The following DCAF8L2 variants were observed in gnomAD, a reference collection of about 807,000 sequenced individuals.
DCAF8L2 encodes DDB1 and CUL4 associated factor 8 like 2, also known as DDB1- and CUL4-associated factor 8-like protein 2.
For missense variants in DCAF8L2, 430 were observed against 490.7 expected, an observed-to-expected ratio of 0.88 and a Z score of 1.17; for synonymous variants, 200 against 190.9, an observed-to-expected ratio of 1.05 and a Z score of -0.39.
chrX:27,651,359 T>C (rs1379498010), intron 2 of DCAF8L2, among the ~76,000 whole-genome samples: 2 of 110,974 alleles, frequency 1.8e-5, no homozygotes, highest in East Asian at 5.7e-4. Context: ...TCTAAGAATT[T>C]GTGATTTTTC....
Position 27,746,842 on chromosome X carries a change from T to G in DCAF8L2, c.-54T>G. ...GCAGGCCAACTTTCTTCCCAGAGCT[T>G]TTAGGGGCCTGGCCTTTGCAGTTCC... On this transcript the variant is annotated 5_prime_UTR_variant, in exon 5 of 5. Transcript: ENST00000451261. The G allele has an allele frequency of 9.0e-7, 1 of 1,114,532 alleles. No homozygotes were observed. Among genetic ancestry groups the G allele is most frequent in the South Asian group, 2.2e-5 (1 of 45,285 alleles). The allele number at this position is 1,114,532 out of a possible 1,213,427, so 91.8% of individuals were successfully genotyped here.
At chrX:27,661,907 T>TA (rs1199447792) in intron 2 of DCAF8L2, among the ~76,000 whole-genome samples, 1 of 111,848 alleles carries the variant, frequency 8.9e-6, no homozygotes, top group Non-Finnish European at 1.9e-5. Flanking sequence ...TCTGGAAACT[T>TA]ATATGAGACT....
chrX:27,559,903 C>G, the DCAF8L2 span, among the ~76,000 whole-genome samples: 1 of 111,455 alleles, frequency 9.0e-6, no homozygotes, highest in South Asian at 3.7e-4. Context: ...GACCATCAGC[C>G]AGACTATTTG....
At chrX:27,600,565 A>C (rs1447249766) in intron 1 of DCAF8L2, among the ~76,000 whole-genome samples, 1 of 112,147 alleles carries the variant, frequency 8.9e-6, no homozygotes, top group Non-Finnish European at 1.9e-5. Context: ...ATGTTCCGAA[A>C]ATTTTATCTT....
chrX:27,533,140 A>AGAGAGAGAGAGAGAGAG, the DCAF8L2 span, among the ~76,000 whole-genome samples: 11 of 26,863 alleles, frequency 4.1e-4, no homozygotes, highest in Admixed American at 1.8e-3. Flanking sequence ...GGAAGGAAGG[A>AGAGAGAGAGAGAGAGAG]AGAAAGAGAG....
At chrX:27,610,946 C>CGA (rs1569159251) in intron 1 of DCAF8L2, among the ~76,000 whole-genome samples, 1 of 112,299 alleles carries the variant, frequency 8.9e-6, no homozygotes, top group Non-Finnish European at 1.9e-5. Context: ...AAAAGGTGTT[C>CGA]TTTCTTTTTT....
chrX:27,645,624 A>G (rs1180390518), intron 2 of DCAF8L2, among the ~76,000 whole-genome samples: 2 of 111,966 alleles, frequency 1.8e-5, no homozygotes, highest in Non-Finnish European at 3.8e-5. Context: ...GAGGAAATCA[A>G]ATTGTCTTTG....
At chrX:27,714,371 T>C (rs948115892) in intron 3 of DCAF8L2, among the ~76,000 whole-genome samples, 15 of 111,334 alleles carry the variant, frequency 1.3e-4, no homozygotes, top group African/African-American at 4.9e-4. Context: ...TGGTAATTCA[T>C]TGTGAGTTTT....
chrX:27,639,412 C>T (rs1486091213), intron 2 of DCAF8L2, among the ~76,000 whole-genome samples: 1 of 111,573 alleles, frequency 9.0e-6, no homozygotes, highest in Non-Finnish European at 1.9e-5. Context: ...CTTAATTGTA[C>T]ATTTTAAAAC....
the DCAF8L2 span, among the ~76,000 whole-genome samples, chrX:27,508,649 T>A: frequency 9.6e-6 from 1 of 104,063 alleles, no homozygotes; most frequent in African/African-American, 3.5e-5. Flanking sequence ...GCCTCATGGG[T>A]CTGAATATTT....
the DCAF8L2 span, among the ~76,000 whole-genome samples, chrX:27,512,552 T>TGGGCA: frequency 9.5e-6 from 1 of 105,259 alleles, no homozygotes; most frequent in South Asian, 4.5e-4. Context: ...GGTGTGGTGG[T>TGGGCA]GGGCACCTGC....
In DCAF8L2 at chrX:27,747,276, G is replaced by A. The variant is rs1323666804; in HGVS notation, c.381G>A (p.Glu127=). 1.2e-5 allele frequency: 13 copies of A among 1,090,648 alleles called. No individual in the cohort carries two copies. The highest frequency in any genetic ancestry group is 1.3e-5 in the Non-Finnish European group (11 of 834,561). 89.9% of individuals were successfully genotyped at this position (1,090,648 alleles called of 1,213,427 possible). The part of the protein sequence containing the change: ...DEEIQEEGGE[E]EEEEEEEEEE... ...AGATACAAGAGGAGGGAGGGGAGGA[G>A]GAGGAAGAGGAGGAGGAGGAGGAGG... The change falls in exon 5 of 5, where the codon GAG becomes GAA. Residue 127 remains glutamate (E), a synonymous_variant. Coordinates refer to ENST00000451261, the MANE Select transcript of DCAF8L2 (RefSeq NM_001353450.2).
chrX:27,472,235 G>A, the DCAF8L2 span, among the ~76,000 whole-genome samples: 3 of 111,388 alleles, frequency 2.7e-5, no homozygotes, highest in South Asian at 1.1e-3. Context: ...ATTTGGACAG[G>A]CAATATATGT....
chrX:27,728,153 A>C (rs1376736461), intron 4 of DCAF8L2, among the ~76,000 whole-genome samples: 1 of 111,493 alleles, frequency 9.0e-6, no homozygotes, highest in Non-Finnish European at 1.9e-5. Context: ...CCGATGAGTT[A>C]ATGCACCTTA....
intron 1 of DCAF8L2, among the ~76,000 whole-genome samples, chrX:27,598,954 G>A (rs866478966): frequency 6.2e-4 from 33 of 53,461 alleles, no homozygotes; most frequent in African/African-American, 2.6e-3. Flanking sequence ...CGATAGGAAA[G>A]TTTCTCAAAA....
intron 1 of DCAF8L2, among the ~76,000 whole-genome samples, chrX:27,622,638 A>T (rs1927831282): frequency 9.0e-6 from 1 of 111,222 alleles, no homozygotes; most frequent in African/African-American, 3.3e-5. Flanking sequence ...GACTAGAGCA[A>T]CCTAGATACT....
chrX:27,609,565 C>T (rs1335394499), intron 1 of DCAF8L2, among the ~76,000 whole-genome samples: 2 of 111,595 alleles, frequency 1.8e-5, no homozygotes, highest in African/African-American at 6.5e-5. Context: ...CCAGAAGCGT[C>T]TCTTGGCAGG....
intron 4 of DCAF8L2, among the ~76,000 whole-genome samples, chrX:27,723,406 C>T (rs1931967193): frequency 9.0e-6 from 1 of 110,542 alleles, no homozygotes. Flanking sequence ...AACAACACAA[C>T]AGAAAAATGG....
At chrX:27,526,370 C>A in the DCAF8L2 span, among the ~76,000 whole-genome samples, 3 of 112,264 alleles carry the variant, frequency 2.7e-5, no homozygotes, top group Non-Finnish European at 5.6e-5. Flanking sequence ...TGGTTTTTAG[C>A]TCCATCAGGT....
Sources: gnomAD v4.1 joint callset for allele counts (sites outside exome capture counted in the v4.1 genomes callset) on GRCh38, gnomAD v4.1.1 for gene constraint, MANE v1.5 for transcripts, NCBI Gene and HGNC (gene_info 2026-07-23, HGNC 2026-07-21) for gene names.